The following LY96 variants were observed in gnomAD, a reference collection of about 807,000 sequenced individuals.
LY96 encodes the protein lymphocyte antigen 96.
A neutral mutation model predicts 18.9 loss-of-function variants in LY96; 18 were observed. The ratio of observed to expected loss-of-function variants is 0.95; its 90% confidence interval spans 0.66 to 1.41. The LOEUF (loss-of-function observed/expected upper bound fraction) is 1.41. LY96 is among the 40% of genes most tolerant of loss of function. The probability of loss-of-function intolerance (pLI) is 0.00; values close to 1 mark genes in which losing one functional copy is unlikely to be tolerated. For missense variants in LY96, 175 were observed against 182.4 expected (o/e 0.96, Z 0.23); for synonymous variants, 66 against 62.6 (o/e 1.06, Z -0.26).
chr8:74,065,562 T>G, the LY96 span, among the ~76,000 whole-genome samples: 3 of 152,212 alleles, frequency 2.0e-5, no homozygotes, highest in Non-Finnish European at 2.9e-5. Context: ...CCTGTGGGCT[T>G]TGTAGTGAGG....
chr8:74,044,531 T>C, the LY96 span, among the ~76,000 whole-genome samples: 1 of 151,774 alleles, frequency 6.6e-6, no homozygotes, highest in African/African-American at 2.4e-5. Context: ...AGAGGGGCTG[T>C]AAAATGTGAG....
At chr8:74,021,626 G>A (rs930788480) in intron 3 of LY96, among the ~76,000 whole-genome samples, 17 of 152,186 alleles carry the variant, frequency 1.1e-4, no homozygotes, top group African/African-American at 4.1e-4. Context: ...GCACACGTAT[G>A]TTTATTGCAG....
chr8:74,045,824 G>A, the LY96 span, among the ~76,000 whole-genome samples: 37,151 of 151,958 alleles, frequency 0.24, 5,187 homozygotes, highest in African/African-American at 0.38. Context: ...GGGAGGGATC[G>A]CACTGCTACA....
chr8:74,051,854 G>T, the LY96 span, among the ~76,000 whole-genome samples: 1 of 152,074 alleles, frequency 6.6e-6, no homozygotes, highest in African/African-American at 2.4e-5. Flanking sequence ...TGCTTGAGCC[G>T]CCCAGTCTAT....
the LY96 span, among the ~76,000 whole-genome samples, chr8:74,054,672 C>CTTTCTTTCTTTA: frequency 8.0e-6 from 1 of 125,224 alleles, no homozygotes. Context: ...TTCTTTCTTT[C>CTTTCTTTCTTTA]TTTTTATTTG....
At chr8:74,050,884 G>A in the LY96 span, among the ~76,000 whole-genome samples, 3 of 152,022 alleles carry the variant, frequency 2.0e-5, no homozygotes, top group South Asian at 2.1e-4. Context: ...TTAGCCAGGC[G>A]TGGTGGCACG....
the LY96 span, among the ~76,000 whole-genome samples, chr8:74,095,879 G>A: frequency 1.3e-5 from 2 of 152,152 alleles, no homozygotes; most frequent in African/African-American, 4.8e-5. Context: ...CTGAATTCCA[G>A]ACTCACAGAG....
At chr8:74,071,572 A>C in the LY96 span, among the ~76,000 whole-genome samples, 1 of 152,150 alleles carries the variant, frequency 6.6e-6, no homozygotes, top group African/African-American at 2.4e-5. Flanking sequence ...CCACTTCTCC[A>C]CCCAAGACTA....
chr8:74,049,754 A>G, the LY96 span, among the ~76,000 whole-genome samples: 1 of 152,254 alleles, frequency 6.6e-6, no homozygotes, highest in African/African-American at 2.4e-5. Flanking sequence ...ATCTCTGTTT[A>G]GAATCTAGCA....
At chr8:74,034,581 T>C in the LY96 span, among the ~76,000 whole-genome samples, 1 of 152,218 alleles carries the variant, frequency 6.6e-6, no homozygotes, top group Admixed American at 6.5e-5. Context: ...TTCCTTTTTC[T>C]GTTCTGACAC....
chr8:74,035,802 T>A, the LY96 span, among the ~76,000 whole-genome samples: 1 of 152,214 alleles, frequency 6.6e-6, no homozygotes, highest in East Asian at 1.9e-4. Context: ...TGATAATAAT[T>A]CTTTCAACCA....
chr8:74,053,792 TG>T, the LY96 span, among the ~76,000 whole-genome samples: 2 of 152,194 alleles, frequency 1.3e-5, no homozygotes, highest in African/African-American at 4.8e-5. Flanking sequence ...GTAAGCCTTT[TG>T]GGAGGAGTAT....
chr8:74,076,239 T>G, the LY96 span, among the ~76,000 whole-genome samples: 8 of 151,746 alleles, frequency 5.3e-5, no homozygotes, highest in East Asian at 1.6e-3. Context: ...CCTCCATGTC[T>G]ACCCCAGGAA....
At chr8:74,040,118 C>T in the LY96 span, among the ~76,000 whole-genome samples, 1 of 152,282 alleles carries the variant, frequency 6.6e-6, no homozygotes, top group Non-Finnish European at 1.5e-5. Flanking sequence ...CAGTACCCGA[C>T]CCTATACCCG....
the LY96 span, among the ~76,000 whole-genome samples, chr8:74,098,780 C>A: frequency 6.6e-6 from 1 of 152,178 alleles, no homozygotes; most frequent in African/African-American, 2.4e-5. Context: ...AAAACAATGA[C>A]CCTTACAAAT....
chr8:74,048,417 A>G, the LY96 span, among the ~76,000 whole-genome samples: 1 of 152,122 alleles, frequency 6.6e-6, no homozygotes, highest in African/African-American at 2.4e-5. Flanking sequence ...ATCTGCCACC[A>G]TGCCCAGGTA....
chr8:74,058,751 C>T, the LY96 span, among the ~76,000 whole-genome samples: 2 of 152,068 alleles, frequency 1.3e-5, no homozygotes, highest in African/African-American at 2.4e-5. Context: ...AACTCCTGAC[C>T]TCAGGAGATC....
intron 4 of LY96, among the ~76,000 whole-genome samples, chr8:74,027,521 T>C (rs1380343266): frequency 2.0e-5 from 3 of 152,080 alleles, no homozygotes; most frequent in African/African-American, 7.2e-5. Flanking sequence ...CCCAGGCTGG[T>C]CTCAAACTCC....
the LY96 span, among the ~76,000 whole-genome samples, chr8:74,089,135 C>T: frequency 1.1e-4 from 16 of 152,122 alleles, no homozygotes; most frequent in Non-Finnish European, 1.9e-4. Context: ...ACCTCAGGGG[C>T]GAAGCTTCCT....
Sources: allele counts gnomAD v4.1 joint callset (sites outside exome capture counted in the v4.1 genomes callset), GRCh38; gene constraint gnomAD v4.1.1; transcripts MANE v1.5; gene names NCBI Gene and HGNC (gene_info 2026-07-23, HGNC 2026-07-21).